The following GLIPR1 variants were observed in gnomAD, a reference collection of about 807,000 sequenced individuals.
GLIPR1 encodes GLI pathogenesis related 1, also known as glioma pathogenesis-related protein 1.
GLIPR1 carries 38 observed loss-of-function variants against 30.3 expected under a neutral mutation model. That is an observed-to-expected ratio of 1.26 (90% CI 0.97 to 1.65). The LOEUF is 1.65. GLIPR1 is among the 40% of genes most tolerant of loss of function. The pLI is 0.00. For missense variants in GLIPR1, 285 were observed against 326.5 expected (o/e 0.87, Z 0.98); for synonymous variants, 122 against 110.6 (o/e 1.10, Z -0.65).
At chr12:75,485,328 A>C (rs895597935) in intron 2 of GLIPR1, among the ~76,000 whole-genome samples, 2 of 152,210 alleles carry the variant, frequency 1.3e-5, no homozygotes. Flanking sequence ...ATGTTGGTGT[A>C]TAAAATGGAA....
At chr12:75,495,929 A>T in intron 4 of GLIPR1, 1 of 251,916 alleles carries the variant, frequency 4.0e-6, no homozygotes, top group Non-Finnish European at 7.5e-6. Context: ...GATTCCTAAG[A>T]TTTGCTTATT....
rs763437081 is a variant in GLIPR1 at position 75,501,287 on chromosome 12, T to C, written c.*2309T>C. The C allele has an allele frequency of 1.2e-4, 20 of 160,332 alleles. No individual in the cohort carries two copies. The highest frequency in any genetic ancestry group is 2.2e-4 in the Non-Finnish European group (16 of 72,818). 9.9% of individuals were successfully genotyped at this position (160,332 alleles called of 1,614,324 possible). A position where few individuals can be genotyped will look rare whatever the true frequency, so the allele number is the denominator to read the frequency against. On this transcript the variant is annotated 3_prime_UTR_variant, in exon 6 of 6. Coordinates refer to ENST00000266659, the MANE Select transcript of GLIPR1 (RefSeq NM_006851.3). ...AATAAGACCTGTCAGCATCCTTTAGTCTAAGGTGATGAGAAATCCATGTTA... is the reference window on the plus strand; with the variant it reads ...AATAAGACCTGTCAGCATCCTTTAGCCTAAGGTGATGAGAAATCCATGTTA...
intron 2 of GLIPR1, chr12:75,487,753 G>C (rs780481413): frequency 6.6e-6 from 3 of 456,378 alleles, no homozygotes; most frequent in Non-Finnish European, 8.8e-6. Flanking sequence ...CACAGGAAAG[G>C]GGTCGGGATC....
At chr12:75,489,239 G>A (rs2046308610) in intron 2 of GLIPR1, among the ~76,000 whole-genome samples, 1 of 152,114 alleles carries the variant, frequency 6.6e-6, no homozygotes, top group Non-Finnish European at 1.5e-5. Context: ...ACCAAGCATG[G>A]GGCTCTTTTG....
intron 2 of GLIPR1, among the ~76,000 whole-genome samples, chr12:75,489,130 T>A (rs1278567800): frequency 1.3e-5 from 2 of 152,198 alleles, no homozygotes; most frequent in Non-Finnish European, 2.9e-5. Context: ...TATAATTGAA[T>A]TTGTGGAGCC....
intron 3 of GLIPR1, chr12:75,491,233 T>C (rs906308347): frequency 1.3e-5 from 2 of 152,214 alleles, no homozygotes; most frequent in African/African-American, 2.4e-5. Flanking sequence ...TCACATATAT[T>C]AACTTAATCT....
At position 75,501,685 on chromosome 12, in the gene GLIPR1, C is replaced by CTAAT. The variant is rs762219908; in HGVS notation, c.*2712_*2715dup. 7.5e-7 allele frequency: 1 copy of CTAAT among 1,337,314 alleles called. No homozygotes were observed. Among genetic ancestry groups the CTAAT allele is most frequent in the East Asian group, 2.3e-5 (1 of 43,378 alleles). 82.8% of individuals were successfully genotyped at this position (1,337,314 alleles called of 1,614,324 possible). On this transcript the variant is annotated 3_prime_UTR_variant, in exon 6 of 6. Transcript: ENST00000266659. ...CAAATTTATTATGGGTTTACTTTTC[C>CTAAT]TAATTAATAAAGACTTTTACATCAT...
chr12:75,498,903 A>G lies in GLIPR1; in HGVS notation c.726A>G (p.Ser242=), dbSNP rs756980486. The G allele has an allele frequency of 1.2e-6, 2 of 1,607,404 alleles. No homozygotes were observed. Among genetic ancestry groups the G allele is most frequent in the Non-Finnish European group, 1.7e-6 (2 of 1,174,178 alleles). Residue 242 remains serine (S), a synonymous_variant, in exon 6 of 6, where the codon TCA becomes TCG. Coordinates refer to ENST00000266659, the MANE Select transcript of GLIPR1 (RefSeq NM_006851.3). ...CTTCTCTCTTTCTCATTGTTAATTCAGTAATTCTAATACTGTCTGTTATAA... is the reference window on the plus strand; with the variant it reads ...CTTCTCTCTTTCTCATTGTTAATTCGGTAATTCTAATACTGTCTGTTATAA... ...RYTSLFLIVN[S]VILILSVIIT...
chr12:75,481,534 T>G lies in GLIPR1; in HGVS notation c.175-300T>G, dbSNP rs2046271006. 8.7e-6 allele frequency: 3 copies of G among 345,314 alleles called. No individual in the cohort carries two copies. The South Asian group carries it at 1.2e-4, about 14-fold the overall frequency. The allele number at this position is 345,314 out of a possible 1,614,324, so 21.4% of individuals were successfully genotyped here. On this transcript the variant is annotated intron_variant, in intron 1 of 5. Coordinates refer to ENST00000266659, the MANE Select transcript of GLIPR1 (RefSeq NM_006851.3). ...TGGTTTTTAACCTTTCTGAACTTCT[T>G]AGGATATGGGCTGTTGTGGTTATGG... is the stretch of plus-strand genomic sequence containing the variant.
chr12:75,490,437 G>A lies in GLIPR1; in HGVS notation c.452G>A (p.Cys151Tyr). The change falls in exon 3 of 6, where the codon TGC becomes TAC. Residue 151 changes from cysteine to tyrosine, a missense_variant. By Grantham distance (194) the Cys-to-Tyr change is radical. Coordinates refer to ENST00000266659, the MANE Select transcript of GLIPR1 (RefSeq NM_006851.3). ...VVWADSYKVG[C>Y]AVQFCPKVSG... ...TGGGCAGATAGTTACAAAGTTGGCT[G>A]CGCAGTTCAATTTTGCCCTAAAGTT... 6.2e-7 allele frequency: 1 copy of A among 1,604,630 alleles called. No individual in the cohort carries two copies. The highest frequency in any genetic ancestry group is 1.3e-5 in the African/African-American group (1 of 74,484).
At chr12:75,484,951 C>T (rs1429210284) in intron 2 of GLIPR1, 1 of 156,440 alleles carries the variant, frequency 6.4e-6, no homozygotes, top group Non-Finnish European at 1.4e-5. Context: ...AGGCATTGAA[C>T]AAAGGGTAGA....
intron 2 of GLIPR1, among the ~76,000 whole-genome samples, chr12:75,482,880 G>A (rs1440560269): frequency 6.6e-6 from 1 of 151,888 alleles, no homozygotes; most frequent in African/African-American, 2.4e-5. Flanking sequence ...GTCACTTCCT[G>A]GCCATCCTTG....
chr12:75,482,803 G>A (rs898490665), intron 2 of GLIPR1, among the ~76,000 whole-genome samples: 4 of 151,586 alleles, frequency 2.6e-5, no homozygotes, highest in Non-Finnish European at 5.9e-5. Context: ...CAACTCTCTA[G>A]GGAGCATCTG....
Position 75,482,038 on chromosome 12 carries a change from A to G in GLIPR1, c.379A>G (p.Lys127Glu). 6.2e-7 allele frequency: 1 copy of G among 1,613,954 alleles called. No homozygotes were observed. The highest frequency in any genetic ancestry group is 1.1e-5 in the South Asian group (1 of 91,084). The change falls in exon 2 of 6, where the codon AAG (lysine) becomes GAG (glutamate). Residue 127 changes from lysine (K) to glutamate (E), a missense_variant. Physicochemically the swap from Lys to Glu is moderately conservative, Grantham distance 56. Coordinates refer to ENST00000266659, the MANE Select transcript of GLIPR1 (RefSeq NM_006851.3). ...WYDEIQDYDF[K>E]TRICKKVCGH... ...TGACGAAATCCAGGACTATGACTTCAAGACTCGGATATGCAAAAAAGTCTG... is the reference window on the plus strand; with the variant it reads ...TGACGAAATCCAGGACTATGACTTCGAGACTCGGATATGCAAAAAAGTCTG...
chr12:75,483,282 G>A (rs577767083), intron 2 of GLIPR1, among the ~76,000 whole-genome samples: 1 of 152,304 alleles, frequency 6.6e-6, no homozygotes, highest in East Asian at 1.9e-4. Flanking sequence ...TAGCCTACAA[G>A]TGGTACTTGT....
At chr12:75,483,127 A>C (rs2046278893) in intron 2 of GLIPR1, among the ~76,000 whole-genome samples, 1 of 152,202 alleles carries the variant, frequency 6.6e-6, no homozygotes, top group Non-Finnish European at 1.5e-5. Context: ...CAGTTACAAA[A>C]AATTATTATA....
Position 75,499,890 on chromosome 12 carries a change from A to G in GLIPR1, c.*912A>G, listed in dbSNP as rs1566102428. The G allele has an allele frequency of 6.2e-7, 1 of 1,609,640 alleles. No homozygotes were observed. The highest frequency in any genetic ancestry group is 2.2e-5 in the East Asian group (1 of 44,632). ...CAGCTGTAAGAGCTCCCAGTTTCTT[A>G]TTCTTTGCTTTCTTAACCTTTTCCT... On this transcript the variant is annotated 3_prime_UTR_variant, in exon 6 of 6. Coordinates refer to ENST00000266659, the MANE Select transcript of GLIPR1 (RefSeq NM_006851.3).
At chr12:75,485,824 G>A (rs868578280) in intron 2 of GLIPR1, among the ~76,000 whole-genome samples, 2 of 152,026 alleles carry the variant, frequency 1.3e-5, no homozygotes, top group Non-Finnish European at 2.9e-5. Context: ...TTTTATACTC[G>A]CATAGAACCA....
chr12:75,499,108 T>C lies in GLIPR1; in HGVS notation c.*130T>C. On this transcript the variant is annotated 3_prime_UTR_variant, in exon 6 of 6. Coordinates refer to ENST00000266659, the MANE Select transcript of GLIPR1 (RefSeq NM_006851.3). ...AAAAATATATGTTATAGCAATACTCTTACTCAAAAGAAGAAATTTCCTAAC... is the reference window on the plus strand; with the variant it reads ...AAAAATATATGTTATAGCAATACTCCTACTCAAAAGAAGAAATTTCCTAAC... 1.9e-6 allele frequency: 1 copy of C among 514,370 alleles called. No homozygotes were observed. The highest frequency in any genetic ancestry group is 3.3e-6 in the Non-Finnish European group (1 of 304,962). The allele number at this position is 514,370 out of a possible 1,614,324, so 31.9% of individuals were successfully genotyped here. A position where few individuals can be genotyped will look rare whatever the true frequency, so the allele number is the denominator to read the frequency against.
Sources: gnomAD v4.1 joint callset for allele counts (sites outside exome capture counted in the v4.1 genomes callset) on GRCh38, gnomAD v4.1.1 for gene constraint, MANE v1.5 for transcripts, NCBI Gene and HGNC (gene_info 2026-07-23, HGNC 2026-07-21) for gene names.